CCDC171: variants seen among roughly 807,000 people sequenced by gnomAD.
CCDC171 encodes coiled-coil domain-containing protein 171.
Under a neutral mutation model 168.2 loss-of-function variants are expected in CCDC171, and 177 were observed. The observed-to-expected ratio is 1.05, with a 90% CI of 0.93 to 1.19. The LOEUF is 1.19. CCDC171 is among the 50% of genes most tolerant of loss of function. CCDC171 has a pLI of 0.00. For missense variants in CCDC171, 1,991 were observed against 1,539.0 expected, an observed-to-expected ratio of 1.29 and a Z score of -4.91; for synonymous variants, 687 against 540.8, an observed-to-expected ratio of 1.27 and a Z score of -3.75.
chr9:15,942,559 C>G (rs1395973819), intron 25 of CCDC171, among the ~76,000 whole-genome samples: 1 of 151,890 alleles, frequency 6.6e-6, no homozygotes, highest in Non-Finnish European at 1.5e-5. Context: ...GCCTAGCATA[C>G]TACTGGAGTA....
chr9:15,690,998 C>T (rs1564217031), intron 10 of CCDC171, among the ~76,000 whole-genome samples: 1 of 152,262 alleles, frequency 6.6e-6, no homozygotes, highest in East Asian at 1.9e-4. Flanking sequence ...TGGTAGTGTA[C>T]ATTGGTATAA....
chr9:15,809,806 A>G (rs2059254589), intron 21 of CCDC171, among the ~76,000 whole-genome samples: 1 of 152,144 alleles, frequency 6.6e-6, no homozygotes, highest in African/African-American at 2.4e-5. Flanking sequence ...GTGGAAGAGG[A>G]CCCGAACGGG....
At position 16,032,082 on chromosome 9, in the gene CCDC171, C is replaced by A. The variant is rs374806548; in HGVS notation, n.999-3375C>A. Among the ~76,000 whole-genome samples, 17 of 152,324 alleles carry A rather than the reference C, an allele frequency of 1.1e-4. No individual in the cohort carries two copies. The East Asian group carries it at 1.9e-3, about 17-fold the overall frequency. On this transcript the variant is annotated intron_variant and non_coding_transcript_variant, in intron 6 of 9. Coordinates refer to the CCDC171 transcript ENST00000486641. ...CCGTGCCGAGGAAGGGAATGTTATG[C>A]ATGACATGCATGGATGGGCTTTCAA...
intron 21 of CCDC171, among the ~76,000 whole-genome samples, chr9:15,827,065 G>T (rs1048608345): frequency 2.0e-5 from 3 of 152,190 alleles, no homozygotes; most frequent in Non-Finnish European, 2.9e-5. Context: ...TGGGCTATGA[G>T]CTTGCTGTTA....
At chr9:15,912,890 A>C (rs753955973) in intron 24 of CCDC171, among the ~76,000 whole-genome samples, 12 of 152,184 alleles carry the variant, frequency 7.9e-5, no homozygotes, top group African/African-American at 2.9e-4. Flanking sequence ...GATGAAGCCA[A>C]CTGGATCATG....
At chr9:15,588,040 G>C (rs2041698889) in intron 4 of CCDC171, among the ~76,000 whole-genome samples, 1 of 152,106 alleles carries the variant, frequency 6.6e-6, no homozygotes, top group Admixed American at 6.5e-5. Context: ...TTCAAGACCA[G>C]CCTGACTGAT....
intron 1 of CCDC171, among the ~76,000 whole-genome samples, chr9:16,056,871 A>G (rs1833850669): frequency 1.3e-5 from 2 of 152,246 alleles, no homozygotes; most frequent in Admixed American, 6.5e-5. Context: ...CAATATAAGC[A>G]TTTAAAATGT....
intron 3 of CCDC171, among the ~76,000 whole-genome samples, chr9:15,990,577 A>G (rs1832156635): frequency 6.6e-6 from 1 of 152,216 alleles, no homozygotes; most frequent in South Asian, 2.1e-4. Flanking sequence ...ACATAACAAT[A>G]TTAACCATAA....
intron 7 of CCDC171, among the ~76,000 whole-genome samples, chr9:15,634,594 G>A (rs577086442): frequency 6.6e-6 from 1 of 152,236 alleles, no homozygotes; most frequent in East Asian, 1.9e-4. Flanking sequence ...TGGGGTAAGG[G>A]TGGATGCCTT....
intron 18 of CCDC171, among the ~76,000 whole-genome samples, chr9:15,748,142 G>T (rs893504474): frequency 2.5e-4 from 38 of 152,250 alleles, no homozygotes; most frequent in African/African-American, 8.9e-4. Context: ...TTCTGATGCA[G>T]CTGAAAAACA....
downstream of CCDC171, among the ~76,000 whole-genome samples, chr9:16,065,809 G>GGTGTGTGTGTGTGTGTGT (rs113107786): frequency 7.6e-5 from 11 of 144,334 alleles, no homozygotes; most frequent in African/African-American, 2.6e-4. Context: ...TTGTGTGCAT[G>GGTGTGTGTGTGTGTGTGT]GTGTGTGTGT....
At chr9:15,656,232 G>T (rs2047918333) in intron 7 of CCDC171, among the ~76,000 whole-genome samples, 1 of 151,680 alleles carries the variant, frequency 6.6e-6, no homozygotes, top group Non-Finnish European at 1.5e-5. Flanking sequence ...TGAGGCAGGA[G>T]AATGGTATGA....
chr9:15,659,022 G>C (rs1226328934), intron 8 of CCDC171, among the ~76,000 whole-genome samples: 1 of 152,174 alleles, frequency 6.6e-6, no homozygotes, highest in Non-Finnish European at 1.5e-5. Context: ...ATGTGTGAAA[G>C]TGGGCAGATG....
intron 1 of CCDC171, among the ~76,000 whole-genome samples, chr9:16,047,633 G>C (rs1440424806): frequency 6.6e-6 from 1 of 152,184 alleles, no homozygotes. Flanking sequence ...CAGTAGTTTA[G>C]CCAGACACAC....
At chr9:15,813,239 A>G (rs2059431104) in intron 21 of CCDC171, among the ~76,000 whole-genome samples, 2 of 152,228 alleles carry the variant, frequency 1.3e-5, no homozygotes, top group Admixed American at 1.3e-4. Flanking sequence ...TCCCATGTAC[A>G]ATAACTCTAT....
At chr9:15,561,657 C>T (rs1189241558) in intron 1 of CCDC171, among the ~76,000 whole-genome samples, 1 of 152,030 alleles carries the variant, frequency 6.6e-6, no homozygotes, top group African/African-American at 2.4e-5. Flanking sequence ...TTTACTGCAC[C>T]TTCTCTGCCA....
chr9:15,914,389 G>C (rs1338092540), intron 24 of CCDC171, among the ~76,000 whole-genome samples: 2 of 152,168 alleles, frequency 1.3e-5, no homozygotes, highest in African/African-American at 4.8e-5. Context: ...CAGTGGCTTT[G>C]CTGAACTGCA....
At chr9:15,868,724 T>C (rs182805386) in intron 23 of CCDC171, among the ~76,000 whole-genome samples, 129 of 152,148 alleles carry the variant, frequency 8.5e-4, no homozygotes, top group African/African-American at 2.9e-3. Context: ...TGTTCATATA[T>C]AGATATTAAA....
chr9:16,032,113 C>G (rs911486752), intron 6 of CCDC171, among the ~76,000 whole-genome samples: 1 of 152,250 alleles, frequency 6.6e-6, no homozygotes, highest in Non-Finnish European at 1.5e-5. Flanking sequence ...TTCAACCCAC[C>G]CAAGTCCAAA....
Sources: allele counts gnomAD v4.1 joint callset (sites outside exome capture counted in the v4.1 genomes callset), GRCh38; gene constraint gnomAD v4.1.1; transcripts MANE v1.5; gene names NCBI Gene and HGNC (gene_info 2026-07-23, HGNC 2026-07-21).